Variants in UBE2W observed in about 807,000 individuals in gnomAD.
The protein encoded by UBE2W is ubiquitin conjugating enzyme E2 W, also known as ubiquitin-conjugating enzyme E2 W.
UBE2W carries 18 observed loss-of-function variants against 27.2 expected under a neutral mutation model. The observed-to-expected ratio is 0.66, with a 90% CI of 0.46 to 0.98. UBE2W has a LOEUF of 0.98. Among genes scored for constraint, UBE2W ranks in the 50% least tolerant of loss-of-function variants. UBE2W has a pLI of 0.00. For synonymous variants in UBE2W, 53 were observed against 57.2 expected (o/e 0.93, Z 0.33); for missense variants, 90 against 180.2 (o/e 0.50, Z 2.87).
chr8:73,844,115 A>T (rs1031643835), intron 1 of UBE2W, among the ~76,000 whole-genome samples: 32 of 152,132 alleles, frequency 2.1e-4, no homozygotes, highest in African/African-American at 7.7e-4. Context: ...AAACTTAAAC[A>T]TCACTGTGAA....
chr8:73,867,572 G>A lies in UBE2W; in HGVS notation c.15+11236C>T, dbSNP rs548497307. On this transcript the variant is annotated intron_variant, in intron 1 of 5. Transcript: ENST00000602593. Reference sequence around the variant, plus strand: ...ACAAAAAACAAAAAATTAGCCAGGCGTGGTAGCACGTGCCTGTATTCCCAG... The same window carrying A: ...ACAAAAAACAAAAAATTAGCCAGGCATGGTAGCACGTGCCTGTATTCCCAG... 2.2e-4 allele frequency among the ~76,000 whole-genome samples: 33 copies of A among 151,356 alleles called. No individual in the cohort carries two copies. In the South Asian group the frequency reaches 2.7e-3, roughly 12 times the overall value.
intron 1 of UBE2W, among the ~76,000 whole-genome samples, chr8:73,844,295 G>A (rs893167530): frequency 1.8e-4 from 28 of 152,042 alleles, no homozygotes; most frequent in African/African-American, 6.5e-4. Context: ...TTGCAGGCGC[G>A]CGCCGCCACA....
chr8:73,797,140 G>A (rs561568113), intron 5 of UBE2W, among the ~76,000 whole-genome samples: 1 of 152,142 alleles, frequency 6.6e-6, no homozygotes, highest in South Asian at 2.1e-4. Context: ...ACCTACCATG[G>A]CTAACTTCAC....
intron 1 of UBE2W, among the ~76,000 whole-genome samples, chr8:73,852,286 A>T (rs1038754328): frequency 1.3e-5 from 2 of 152,136 alleles, no homozygotes; most frequent in Non-Finnish European, 2.9e-5. Flanking sequence ...AATCCAATGT[A>T]TGTACATGTA....
chr8:73,819,546 C>T (rs1185220605), intron 3 of UBE2W, among the ~76,000 whole-genome samples: 1 of 152,108 alleles, frequency 6.6e-6, no homozygotes, highest in Non-Finnish European at 1.5e-5. Context: ...TTGAATTAAC[C>T]AACCATTTAC....
At position 73,793,267 on chromosome 8, in the gene UBE2W, A is replaced by C. The variant is rs1257427715; in HGVS notation, c.*835T>G. On this transcript the variant is annotated 3_prime_UTR_variant, in exon 6 of 6. Transcript: ENST00000602593. ...TCTTTAATGTACAAATAACAAGCCC[A>C]AATTATGGACTGCAGCAATTTAATC... 8 of 985,718 alleles carry C rather than the reference A, an allele frequency of 8.1e-6. No homozygotes were observed. In the East Asian group the frequency reaches 9.1e-4, roughly 112 times the overall value. The allele number at this position is 985,718 out of a possible 1,614,324, so 61.1% of individuals were successfully genotyped here.
intron 3 of UBE2W, among the ~76,000 whole-genome samples, chr8:73,818,566 G>A (rs980524433): frequency 6.6e-6 from 1 of 152,120 alleles, no homozygotes; most frequent in Non-Finnish European, 1.5e-5. Context: ...TGTGATGACC[G>A]CTCCAGCCCA....
chr8:73,846,471 T>A (rs1420828480), intron 1 of UBE2W, among the ~76,000 whole-genome samples: 1 of 152,152 alleles, frequency 6.6e-6, no homozygotes, highest in Non-Finnish European at 1.5e-5. Context: ...TTTAAAAAAA[T>A]TTTTTATAAA....
At chr8:73,794,792 A>G (rs559879489) in intron 5 of UBE2W, among the ~76,000 whole-genome samples, 1 of 149,468 alleles carries the variant, frequency 6.7e-6, no homozygotes, top group African/African-American at 2.5e-5. Flanking sequence ...AGTCTCAGCT[A>G]CTCAGGAGGC....
chr8:73,873,434 C>T (rs1454000627), intron 1 of UBE2W, among the ~76,000 whole-genome samples: 1 of 151,958 alleles, frequency 6.6e-6, no homozygotes, highest in Admixed American at 6.6e-5. Flanking sequence ...CAAGGTGGGC[C>T]GATGGCTGAG....
intron 3 of UBE2W, among the ~76,000 whole-genome samples, chr8:73,816,176 C>A (rs796934375): frequency 6.6e-6 from 1 of 152,146 alleles, no homozygotes; most frequent in Non-Finnish European, 1.5e-5. Context: ...TTGGACACAA[C>A]GAAACTAAAC....
At chr8:73,818,499 T>A (rs1010737999) in intron 3 of UBE2W, among the ~76,000 whole-genome samples, 2 of 152,166 alleles carry the variant, frequency 1.3e-5, no homozygotes, top group Non-Finnish European at 2.9e-5. Context: ...CTTCCCCATC[T>A]CACTAAGAGT....
At chr8:73,827,433 C>T (rs996439556) in intron 2 of UBE2W, among the ~76,000 whole-genome samples, 1 of 152,048 alleles carries the variant, frequency 6.6e-6, no homozygotes, top group African/African-American at 2.4e-5. Context: ...AGGCTGGTCT[C>T]GAACTCCCGA....
At position 73,805,472 on chromosome 8, in the gene UBE2W, C is replaced by CAAAACAAAAAA. The variant is rs1554579998; in HGVS notation, c.442+178_442+179insTTTTTTGTTTT. ...TCCATCTCAAAAAAAAAAAAAAAAACAAAAAAAACTAGGGTAATTCATCCA... is the reference window on the plus strand; with the variant it reads ...TCCATCTCAAAAAAAAAAAAAAAAACAAAACAAAAAAAAAAAAAACTAGGGTAATTCATCCA... On this transcript the variant is annotated intron_variant, in intron 5 of 5. Coordinates refer to ENST00000602593, the MANE Select transcript of UBE2W (RefSeq NM_018299.6). Among the ~76,000 whole-genome samples the CAAAACAAAAAA allele has an allele frequency of 2.3e-4, 10 of 43,670 alleles. 1 individual carries two copies. Among genetic ancestry groups the CAAAACAAAAAA allele is most frequent in the Non-Finnish European group, 3.5e-4 (7 of 20,122 alleles). 28.6% of individuals were successfully genotyped at this position (43,670 alleles called of 152,430 possible). A position where few individuals can be genotyped will look rare whatever the true frequency, so the allele number is the denominator to read the frequency against.
intron 2 of UBE2W, among the ~76,000 whole-genome samples, chr8:73,825,706 C>A (rs188113012): frequency 2.6e-5 from 4 of 152,238 alleles, no homozygotes; most frequent in Admixed American, 2.0e-4. Flanking sequence ...GAGGCTGAGG[C>A]AGGAGAATCG....
At chr8:73,848,837 T>G (rs1186128867) in intron 1 of UBE2W, among the ~76,000 whole-genome samples, 1 of 152,198 alleles carries the variant, frequency 6.6e-6, no homozygotes, top group African/African-American at 2.4e-5. Flanking sequence ...TGTATTCACT[T>G]TGTGAATATA....
intron 1 of UBE2W, among the ~76,000 whole-genome samples, chr8:73,865,180 C>CAAAAAAAAAAAAAAAAAAA (rs11354153): frequency 1.2e-4 from 4 of 32,856 alleles, no homozygotes; most frequent in African/African-American, 2.5e-4. Flanking sequence ...GTGCAAACGT[C>CAAAAAAAAAAAAAAAAAAA]AAAAAAAAAA....
chr8:73,852,588 AAATT>A (rs1360749563), intron 1 of UBE2W, among the ~76,000 whole-genome samples: 2 of 152,232 alleles, frequency 1.3e-5, no homozygotes, highest in African/African-American at 4.8e-5. Context: ...TTGGAAGAAT[AAATT>A]TTTTTTCTTG....
chr8:73,875,633 T>C (rs1812186075), intron 1 of UBE2W, among the ~76,000 whole-genome samples: 1 of 152,150 alleles, frequency 6.6e-6, no homozygotes, highest in African/African-American at 2.4e-5. Context: ...CTAAAAGCTT[T>C]TTGGGTTAAG....
Sources: gnomAD v4.1 joint callset for allele counts (sites outside exome capture counted in the v4.1 genomes callset) on GRCh38, gnomAD v4.1.1 for gene constraint, MANE v1.5 for transcripts, NCBI Gene and HGNC (gene_info 2026-07-23, HGNC 2026-07-21) for gene names.